NUP35: variants seen among roughly 807,000 people sequenced by gnomAD.
The protein encoded by NUP35 is nucleoporin NUP35.
A neutral mutation model predicts 41.5 loss-of-function variants in NUP35; 25 were observed. The ratio of observed to expected loss-of-function variants is 0.60; its 90% CI spans 0.44 to 0.84. The LOEUF is 0.84. NUP35 is among the 40% of genes least tolerant of loss of function. The pLI is 0.00. For synonymous variants in NUP35, 149 were observed against 130.7 expected, an observed-to-expected ratio of 1.14 and a Z score of -0.96; for missense variants, 396 against 396.6, an observed-to-expected ratio of 1.00 and a Z score of 0.01.
Position 183,132,923 on chromosome 2 carries a change from CTTAGT to C in NUP35, c.340-639_340-635del, listed in dbSNP as rs1278575373. ...GCTAAATGAAGCTATTTGAGATTTC[CTTAGT>C]TTAATTAGAATCTGTTTTAAAAAAT... On this transcript the variant is annotated intron_variant, in intron 3 of 8. Coordinates refer to ENST00000295119, the MANE Select transcript of NUP35 (RefSeq NM_138285.5). Among the ~76,000 whole-genome samples the C allele has an allele frequency of 3.3e-5, 5 of 152,260 alleles. No homozygotes were observed. In the East Asian group the frequency reaches 5.8e-4, roughly 18 times the overall value.
upstream of NUP35, chr2:183,124,405 A>C: frequency 3.1e-6 from 5 of 1,614,028 alleles, no homozygotes; most frequent in Non-Finnish European, 4.2e-6. Context: ...CGTTTCCGCC[A>C]TTTTTGAAAA....
At chr2:183,154,061 A>G (rs1440831112) in intron 5 of NUP35, among the ~76,000 whole-genome samples, 1 of 108,762 alleles carries the variant, frequency 9.2e-6, no homozygotes, top group Non-Finnish European at 2.1e-5. Context: ...CCCAGGCTCT[A>G]CATTGTCCCC....
intron 5 of NUP35, among the ~76,000 whole-genome samples, chr2:183,152,382 T>C (rs13420955): frequency 0.33 from 50,034 of 152,012 alleles, 8,758 homozygotes; most frequent in Middle Eastern, 0.46. Context: ...GGGGCACCCA[T>C]CTCCTGAGCA....
chr2:183,150,553 C>A (rs1685435376), intron 4 of NUP35, among the ~76,000 whole-genome samples: 3 of 152,116 alleles, frequency 2.0e-5, no homozygotes, highest in Admixed American at 2.0e-4. Context: ...CAGTGAAATC[C>A]TTTTTCATTT....
At chr2:183,159,771 T>C (rs989349970) in intron 8 of NUP35, 119 bp downstream of exon 8, 4 of 723,112 alleles carry the variant, frequency 5.5e-6, no homozygotes, top group Non-Finnish European at 8.7e-6. Flanking sequence ...GCTATTACCT[T>C]GATGAAACCT....
rs749966216 is a variant in NUP35, at chr2:183,159,620, A to G, written c.871A>G (p.Thr291Ala). 5.6e-6 allele frequency: 9 copies of G among 1,613,234 alleles called. No individual in the cohort carries two copies. The South Asian group carries it at 8.8e-5, about 16-fold the overall frequency. ...GATTTCTACCATGAGACCTCTTGCT[A>G]CAGCATACAAAGCCTCTACTAGTGA... Reference protein sequence around the residue: ...PRISTMRPLATAYKASTSDYQ... With the variant: ...PRISTMRPLAAAYKASTSDYQ... Residue 291 changes from threonine to alanine, a missense_variant, in exon 8 of 9, where the codon ACA becomes GCA. Transcript: ENST00000295119.
intron 5 of NUP35, among the ~76,000 whole-genome samples, chr2:183,153,852 C>T (rs72894581): frequency 3.1e-4 from 47 of 152,324 alleles, no homozygotes; most frequent in South Asian, 6.2e-4. Context: ...AGTTCCCTTC[C>T]GCACTGCCCT....
At chr2:183,139,279 TC>T (rs1223563769) in intron 4 of NUP35, among the ~76,000 whole-genome samples, 1 of 150,710 alleles carries the variant, frequency 6.6e-6, no homozygotes. Flanking sequence ...CAGTCATAGC[TC>T]CCTGCAGCCT....
chr2:183,159,594 G>A lies in NUP35; in HGVS notation c.845G>A (p.Arg282Lys). 6.2e-7 allele frequency: 1 copy of A among 1,613,254 alleles called. No homozygotes were observed. Among genetic ancestry groups the A allele is most frequent in the Non-Finnish European group, 8.5e-7 (1 of 1,179,618 alleles). The change falls in exon 8 of 9, where the codon AGG becomes AAG. Residue 282 changes from arginine (R) to lysine (K), a missense_variant. Transcript: ENST00000295119. ...CCAACACAACCTGGAAGTACTCCTA[G>A]GATTTCTACCATGAGACCTCTTGCT... The part of the protein sequence containing the change: ...GTPTQPGSTP[R>K]ISTMRPLATA...
At chr2:183,129,439 C>G (rs898832343) in intron 2 of NUP35, among the ~76,000 whole-genome samples, 1 of 152,010 alleles carries the variant, frequency 6.6e-6, no homozygotes, top group African/African-American at 2.4e-5. Context: ...CCTTAATTGC[C>G]CTTTAAAGTA....
chr2:183,161,137 C>T lies in NUP35; in HGVS notation c.*6C>T. Reference sequence around the variant, plus strand: ...AGTACATGTTTGGCTGGTAGTAGAACACCAAGAAGGAGGTTGCTACACTAA... The same window carrying T: ...AGTACATGTTTGGCTGGTAGTAGAATACCAAGAAGGAGGTTGCTACACTAA... On this transcript the variant is annotated 3_prime_UTR_variant, in exon 9 of 9. Transcript: ENST00000295119. The T allele has an allele frequency of 6.2e-7, 1 of 1,607,570 alleles. No homozygotes were observed. The highest frequency in any genetic ancestry group is 1.1e-5 in the South Asian group (1 of 90,716).
chr2:183,122,674 T>A (rs2675103), upstream of NUP35, among the ~76,000 whole-genome samples: 13,468 of 152,142 alleles, frequency 0.089, 759 homozygotes, highest in Non-Finnish European at 0.12. Flanking sequence ...GGTCTCACTA[T>A]CTCAAACTCC....
chr2:183,147,940 A>C (rs566169001), intron 4 of NUP35, among the ~76,000 whole-genome samples: 1 of 149,998 alleles, frequency 6.7e-6, no homozygotes, highest in African/African-American at 2.5e-5. Context: ...ATATGTGGCT[A>C]TTGTAAATGG....
At chr2:183,130,059 A>G (rs1452592476) in intron 2 of NUP35, among the ~76,000 whole-genome samples, 1 of 152,222 alleles carries the variant, frequency 6.6e-6, no homozygotes, top group East Asian at 1.9e-4. Context: ...AATGGGATCA[A>G]GTTTTGTATT....
intron 4 of NUP35, among the ~76,000 whole-genome samples, chr2:183,134,400 G>C (rs886326138): frequency 6.6e-6 from 1 of 152,100 alleles, no homozygotes; most frequent in Non-Finnish European, 1.5e-5. Context: ...GCAGCAAAGG[G>C]GGGGAGGGGG....
At chr2:183,153,126 A>G (rs895104968) in intron 5 of NUP35, among the ~76,000 whole-genome samples, 2 of 152,186 alleles carry the variant, frequency 1.3e-5, no homozygotes, top group Non-Finnish European at 2.9e-5. Flanking sequence ...AGAATAGCAC[A>G]GGAAAGACTG....
At chr2:183,118,776 GAAAGT>G (rs928376746) in intron 1 of NUP35, 1 of 152,228 alleles carries the variant, frequency 6.6e-6, no homozygotes, top group Non-Finnish European at 1.5e-5. Context: ...GGAATGAAAA[GAAAGT>G]AAAGTACACT....
chr2:183,128,315 C>T lies in NUP35; in HGVS notation c.69C>T (p.Pro23=), dbSNP rs113643399. The T allele has an allele frequency of 1.1e-5, 17 of 1,612,904 alleles. No homozygotes were observed. Among genetic ancestry groups the T allele is most frequent in the Middle Eastern group, 1.7e-4 (1 of 6,044 alleles). ...CTGAACCAATGATGCTGGGTTCACC[C>T]ACATCTCCAAAGCCAGGAGTTAATG... ...LGSEPMMLGS[P]TSPKPGVNAQ... Residue 23 remains proline, a synonymous_variant, in exon 2 of 9, where the codon CCC becomes CCT. Transcript: ENST00000295119.
At chr2:183,137,201 G>A (rs2105565144) in intron 4 of NUP35, among the ~76,000 whole-genome samples, 1 of 152,320 alleles carries the variant, frequency 6.6e-6, no homozygotes, top group African/African-American at 2.4e-5. Context: ...GAGGTTGAAT[G>A]TCTAGGAAAA....
Sources: allele counts gnomAD v4.1 joint callset (sites outside exome capture counted in the v4.1 genomes callset), GRCh38; gene constraint gnomAD v4.1.1; transcripts MANE v1.5; gene names NCBI Gene and HGNC (gene_info 2026-07-23, HGNC 2026-07-21).